Variants in AK8 observed in about 807,000 individuals in gnomAD.
AK8 encodes ATP-AMP transphosphorylase 8.
Under a neutral mutation model 54.6 loss-of-function variants are expected in AK8, and 44 were observed. The observed-to-expected ratio is 0.81, with a 90% CI of 0.63 to 1.04. The LOEUF (loss-of-function observed/expected upper bound fraction) is 1.04. AK8 is among the 50% of genes least tolerant of loss of function. The pLI is 0.00. For synonymous variants in AK8, 239 were observed against 245.6 expected, an observed-to-expected ratio of 0.97 and a Z score of 0.25; for missense variants, 555 against 613.6, an observed-to-expected ratio of 0.90 and a Z score of 1.01.
chr9:132,728,947 C>T (rs1489747211), intron 11 of AK8, among the ~76,000 whole-genome samples: 1 of 151,526 alleles, frequency 6.6e-6, no homozygotes, highest in Non-Finnish European at 1.5e-5. Flanking sequence ...CATTGTTGCT[C>T]AGGCTGGAGT....
intron 11 of AK8, among the ~76,000 whole-genome samples, chr9:132,739,071 T>G (rs1007769749): frequency 6.6e-6 from 1 of 151,738 alleles, no homozygotes; most frequent in African/African-American, 2.4e-5. Context: ...ATTGTTAATT[T>G]AAAAAATCAG....
intron 5 of AK8, among the ~76,000 whole-genome samples, chr9:132,838,103 A>G (rs1326990293): frequency 1.3e-5 from 2 of 152,224 alleles, no homozygotes; most frequent in African/African-American, 4.8e-5. Flanking sequence ...AATTAATGCC[A>G]GCCCAATGAC....
chr9:132,797,561 G>A (rs558909783), intron 10 of AK8, among the ~76,000 whole-genome samples: 22 of 151,540 alleles, frequency 1.5e-4, no homozygotes, highest in African/African-American at 5.3e-4. Context: ...TTGTTGGGAG[G>A]GGTCTCTGGG....
intron 11 of AK8, among the ~76,000 whole-genome samples, chr9:132,772,323 C>A (rs73659476): frequency 0.033 from 4,994 of 152,330 alleles, 270 homozygotes; most frequent in African/African-American, 0.11. Flanking sequence ...GTGAAGCCCT[C>A]ACCCCCAGAA....
rs542782665 is a variant in AK8, at chr9:132,799,592, TACAA to T, written c.980-6821_980-6818del. ...ACAGACATGTGCTCATGCACTCAGC[TACAA>T]ACACACACACACACACACCACACAC... On this transcript the variant is annotated intron_variant, in intron 10 of 12. Transcript: ENST00000298545. The surrounding 1 kb of genome is among the most constrained non-coding windows in gnomAD (Gnocchi z 5.0). 2.0e-5 allele frequency among the ~76,000 whole-genome samples: 3 copies of T among 150,602 alleles called. No individual in the cohort carries two copies. The highest frequency in any genetic ancestry group is 2.0e-4 in the Admixed American group (3 of 15,122).
chr9:132,821,231 C>T (rs889307823), intron 9 of AK8, among the ~76,000 whole-genome samples: 2 of 151,738 alleles, frequency 1.3e-5, no homozygotes, highest in African/African-American at 2.4e-5. Flanking sequence ...GTATTGCTGC[C>T]GTGTTTTCAG....
intron 5 of AK8, among the ~76,000 whole-genome samples, chr9:132,852,769 C>CAAAA (rs35786801): frequency 0.014 from 195 of 13,930 alleles, no homozygotes; most frequent in Middle Eastern, 0.071. Flanking sequence ...GATTAGGTCT[C>CAAAA]AAAAAAAAAA....
chr9:132,877,945 T>G, intron 1 of AK8: 1 of 1,138,528 alleles, frequency 8.8e-7, no homozygotes, highest in Non-Finnish European at 1.3e-6. Context: ...AGTGGCCCCC[T>G]TCCTCCCCCT....
At chr9:132,806,887 T>G (rs1840749508) in intron 10 of AK8, among the ~76,000 whole-genome samples, 1 of 152,130 alleles carries the variant, frequency 6.6e-6, no homozygotes, top group Non-Finnish European at 1.5e-5. Flanking sequence ...GCAAATTAGC[T>G]TCTTGAAACT....
At chr9:132,848,660 C>T (rs930477259) in intron 5 of AK8, among the ~76,000 whole-genome samples, 24 of 152,164 alleles carry the variant, frequency 1.6e-4, no homozygotes, top group African/African-American at 5.8e-4. Flanking sequence ...TTGACTCTGC[C>T]TTCAACTGCA....
At chr9:132,774,047 C>G (rs1590225119) in intron 11 of AK8, among the ~76,000 whole-genome samples, 1 of 152,218 alleles carries the variant, frequency 6.6e-6, no homozygotes, top group African/African-American at 2.4e-5. Flanking sequence ...CTGGATGCTC[C>G]CCATTTCTCC....
At chr9:132,818,720 G>A (rs990411071) in intron 9 of AK8, among the ~76,000 whole-genome samples, 6 of 152,068 alleles carry the variant, frequency 3.9e-5, no homozygotes, top group Non-Finnish European at 8.8e-5. Context: ...AGGCTTGAGG[G>A]CTCATGCCTG....
At chr9:132,800,142 C>T (rs150436726) in intron 10 of AK8, among the ~76,000 whole-genome samples, 1 of 152,176 alleles carries the variant, frequency 6.6e-6, no homozygotes, top group Non-Finnish European at 1.5e-5. Context: ...GAAAGCCGAA[C>T]GCCTCCCATC....
intron 10 of AK8, among the ~76,000 whole-genome samples, chr9:132,812,001 T>A (rs1841037427): frequency 6.6e-6 from 1 of 152,236 alleles, no homozygotes. Context: ...TCTCTGTTTC[T>A]GAACCACTAT....
Position 132,812,286 on chromosome 9 carries a change from T to C in AK8, c.979+2352A>G, listed in dbSNP as rs572430700. Among the ~76,000 whole-genome samples the C allele has an allele frequency of 2.9e-5, 4 of 137,854 alleles. No individual in the cohort carries two copies. The East Asian group carries it at 8.8e-4, about 30-fold the overall frequency. 90.4% of individuals were successfully genotyped at this position (137,854 alleles called of 152,430 possible). On this transcript the variant is annotated intron_variant, in intron 10 of 12. Coordinates refer to ENST00000298545, the MANE Select transcript of AK8 (RefSeq NM_152572.3). Reference sequence around the variant, plus strand: ...TCTCACTCTGTCACCCAGGCAAGAGTGTGGTGCAATCTTGGCTCACGGCAA... The same window carrying C: ...TCTCACTCTGTCACCCAGGCAAGAGCGTGGTGCAATCTTGGCTCACGGCAA...
intron 3 of AK8, among the ~76,000 whole-genome samples, chr9:132,864,469 C>T (rs1407138282): frequency 1.3e-5 from 2 of 152,212 alleles, no homozygotes; most frequent in Non-Finnish European, 2.9e-5. Flanking sequence ...GCACACCCCT[C>T]AACAGAGCTG....
At chr9:132,878,755 C>T, upstream of AK8, 2 of 986,084 alleles carry the variant, frequency 2.0e-6, no homozygotes, top group South Asian at 4.7e-5. The surrounding 1 kb of genome is among the most constrained non-coding windows in gnomAD (Gnocchi z 4.7). Flanking sequence ...AATCCTCAGC[C>T]CAACTCCTAG....
Position 132,860,248 on chromosome 9 carries a change from C to G in AK8, c.333+3417G>C. 6.7e-6 allele frequency among the ~76,000 whole-genome samples: 1 copy of G among 149,876 alleles called. No homozygotes were observed. ...GAGGGCCCAGGAGCCATAAGAACAC[C>G]ATCTCCTCGGCGAGATTTATAACTC... On this transcript the variant is annotated intron_variant, in intron 4 of 12. Transcript: ENST00000298545. The surrounding 1 kb of genome is among the most constrained non-coding windows in gnomAD (Gnocchi z 4.4).
intron 5 of AK8, among the ~76,000 whole-genome samples, chr9:132,852,156 T>G (rs1033214859): frequency 7.9e-5 from 12 of 152,130 alleles, no homozygotes; most frequent in African/African-American, 2.9e-4. Flanking sequence ...CAATACAAAT[T>G]ATCACATGTG....
Sources: allele counts gnomAD v4.1 joint callset (sites outside exome capture counted in the v4.1 genomes callset), GRCh38; gene constraint gnomAD v4.1.1; non-coding constraint Gnocchi (gnomAD v3.1); transcripts MANE v1.5; gene names NCBI Gene and HGNC (gene_info 2026-07-23, HGNC 2026-07-21).